The following HNRNPC variants were observed in gnomAD, a reference collection of about 807,000 sequenced individuals.
The protein encoded by HNRNPC is heterogeneous nuclear ribonucleoprotein C.
Under a neutral mutation model 33.2 loss-of-function variants are expected in HNRNPC, and 3 were observed. The observed-to-expected ratio is 0.09, with a 90% CI of 0.04 to 0.23. HNRNPC has a LOEUF of 0.23. Among genes scored for constraint, HNRNPC ranks in the 10% least tolerant of loss-of-function variants. The pLI is 1.00. For synonymous variants in HNRNPC, 121 were observed against 126.7 expected, an observed-to-expected ratio of 0.96 and a Z score of 0.30; for missense variants, 143 against 366.7, an observed-to-expected ratio of 0.39 and a Z score of 4.98.
chr14:21,237,381 T>G (rs1043768128), intron 2 of HNRNPC, among the ~76,000 whole-genome samples: 1 of 152,230 alleles, frequency 6.6e-6, no homozygotes, highest in African/African-American at 2.4e-5. Context: ...GGTTAAAATT[T>G]ATCTGTTTAA....
intron 2 of HNRNPC, among the ~76,000 whole-genome samples, chr14:21,242,797 A>C (rs58422010): frequency 0.054 from 8,245 of 152,258 alleles, 335 homozygotes; most frequent in East Asian, 0.22. Flanking sequence ...TCACCAAGCT[A>C]TCTTTCTAGA....
chr14:21,250,061 A>G (rs1896462012), intron 2 of HNRNPC, among the ~76,000 whole-genome samples: 1 of 152,204 alleles, frequency 6.6e-6, no homozygotes, highest in Admixed American at 6.6e-5. Flanking sequence ...CAGCATGGTT[A>G]GTATGACTAC....
intron 2 of HNRNPC, among the ~76,000 whole-genome samples, chr14:21,247,888 G>C (rs926083931): frequency 6.6e-6 from 1 of 151,644 alleles, no homozygotes; most frequent in Non-Finnish European, 1.5e-5. Context: ...TTGGGAGGCC[G>C]AGGCATGAGA....
intron 5 of HNRNPC, 65 bp downstream of exon 5, chr14:21,230,254 C>T (rs1431772537): frequency 5.9e-6 from 7 of 1,192,246 alleles, no homozygotes; most frequent in Admixed American, 1.9e-5. Flanking sequence ...TCACCACAAA[C>T]CAGAAGAACG....
At chr14:21,247,569 G>A (rs1253894282) in intron 2 of HNRNPC, among the ~76,000 whole-genome samples, 2 of 151,966 alleles carry the variant, frequency 1.3e-5, no homozygotes, top group Admixed American at 1.3e-4. Flanking sequence ...TTCATTTTTA[G>A]CACAACTGAG....
intron 1 of HNRNPC, chr14:21,264,018 T>C (rs1878588819): frequency 1.3e-5 from 2 of 152,184 alleles, no homozygotes; most frequent in African/African-American, 2.4e-5. Context: ...TCAACATCAA[T>C]AGATGACTAA....
At position 21,211,905 on chromosome 14, in the gene HNRNPC, T is replaced by A. The variant is rs1402166955; in HGVS notation, c.542A>T (p.Gln181Leu). The part of the protein sequence containing the change: ...KSGKLKGDDL[Q>L]AIKKELTQIK... ...CTGGGTCAGCTCCTTCTTAATGGCC[T>A]GAAGGTCATCTCCTTTCACTTTAAT... The change falls in exon 7 of 9, where the codon CAG (glutamine) becomes CTG (leucine). Residue 181 changes from glutamine to leucine, a missense_variant. Around this residue, in one of 2 missense-constraint regions of HNRNPC, gnomAD observed 131 missense variants for 253.0 expected, o/e 0.52. Coordinates refer to ENST00000553300, the MANE Select transcript of HNRNPC (RefSeq NM_004500.4). 5 of 1,612,692 alleles carry A rather than the reference T, an allele frequency of 3.1e-6. No individual in the cohort carries two copies. Among genetic ancestry groups the A allele is most frequent in the Non-Finnish European group, 4.2e-6 (5 of 1,178,964 alleles).
intron 5 of HNRNPC, 115 bp downstream of exon 5, chr14:21,230,202 TTG>T (rs1893957902): frequency 1.6e-5 from 10 of 609,604 alleles, no homozygotes; most frequent in African/African-American, 3.8e-5. Context: ...TTTTTTTGTT[TTG>T]GAGTTAGGGG....
intron 5 of HNRNPC, 108 bp downstream of exon 5, chr14:21,230,211 G>C (rs1893959780): frequency 1.4e-6 from 1 of 691,126 alleles, no homozygotes; most frequent in Admixed American, 2.8e-5. Context: ...TTTGGAGTTA[G>C]GGGAGTATGT....
intron 5 of HNRNPC, among the ~76,000 whole-genome samples, chr14:21,213,787 TAATTCC>T: frequency 6.6e-6 from 1 of 152,218 alleles, no homozygotes; most frequent in South Asian, 2.1e-4. Context: ...AATTTACGCT[TAATTCC>T]AACAGGGCAG....
intron 2 of HNRNPC, chr14:21,262,550 G>T (rs1166164760): frequency 1.3e-5 from 2 of 152,234 alleles, no homozygotes; most frequent in Non-Finnish European, 2.9e-5. Context: ...TGTTAAACGG[G>T]TTTATTTCCT....
At chr14:21,238,299 A>G (rs745912156) in intron 2 of HNRNPC, among the ~76,000 whole-genome samples, 16 of 152,254 alleles carry the variant, frequency 1.1e-4, no homozygotes, top group Non-Finnish European at 2.1e-4. Context: ...TGTGCAAATT[A>G]TAATTTGAGT....
rs111656192 is a variant in HNRNPC at position 21,257,317 on chromosome 14, G to C, written c.-37+5994C>G. Among the ~76,000 whole-genome samples the C allele has an allele frequency of 4.7e-4, 71 of 152,066 alleles. 1 individual carries two copies. Among genetic ancestry groups the C allele is most frequent in the African/African-American group, 1.6e-3 (66 of 41,474 alleles). On this transcript the variant is annotated intron_variant, in intron 2 of 8. Coordinates refer to ENST00000553300, the MANE Select transcript of HNRNPC (RefSeq NM_004500.4). ...AGAGAAGTGGAAGGACTGAACCATGGGGCACTCCAACAGAAAGAAGTTTAA... is the reference window on the plus strand; with the variant it reads ...AGAGAAGTGGAAGGACTGAACCATGCGGCACTCCAACAGAAAGAAGTTTAA...
intron 1 of HNRNPC, among the ~76,000 whole-genome samples, chr14:21,267,800 A>C (rs906881150): frequency 1.3e-5 from 2 of 152,162 alleles, no homozygotes; most frequent in African/African-American, 4.8e-5. Context: ...ACTACTATTA[A>C]CAGTTCTTAA....
At chr14:21,225,911 G>A (rs1317094929) in intron 5 of HNRNPC, among the ~76,000 whole-genome samples, 1 of 152,068 alleles carries the variant, frequency 6.6e-6, no homozygotes, top group Non-Finnish European at 1.5e-5. Context: ...AATATATCTA[G>A]TTTATATCTA....
intron 2 of HNRNPC, among the ~76,000 whole-genome samples, chr14:21,247,492 G>A (rs1475683862): frequency 6.6e-6 from 1 of 151,908 alleles, no homozygotes; most frequent in African/African-American, 2.4e-5. Flanking sequence ...ATTATTTTTT[G>A]TACCCTGAAA....
intron 5 of HNRNPC, among the ~76,000 whole-genome samples, chr14:21,219,084 T>A (rs1380763992): frequency 7.7e-6 from 1 of 130,542 alleles, no homozygotes; most frequent in Non-Finnish European, 1.5e-5. Context: ...CACTCCAGAC[T>A]GGGAACAGAG....
At chr14:21,231,354 A>G in intron 3 of HNRNPC, 1 of 527,928 alleles carries the variant, frequency 1.9e-6, no homozygotes, top group South Asian at 1.5e-5. Context: ...GAAAATGTGG[A>G]ACAAAACAAC....
intron 2 of HNRNPC, among the ~76,000 whole-genome samples, chr14:21,256,707 G>C (rs1877279085): frequency 6.6e-6 from 1 of 151,948 alleles, no homozygotes; most frequent in Admixed American, 6.6e-5. Context: ...GGAGTGCAAT[G>C]GTGCGGGTGC....
Sources: gnomAD v4.1 joint callset for allele counts (sites outside exome capture counted in the v4.1 genomes callset) on GRCh38, gnomAD v4.1.1 for gene constraint, gnomAD v4.1.1 regional missense constraint, MANE v1.5 for transcripts, NCBI Gene and HGNC (gene_info 2026-07-23, HGNC 2026-07-21) for gene names.